FGF12: variants seen among roughly 807,000 people sequenced by gnomAD.
FGF12 encodes the protein fibroblast growth factor 12B.
Under a neutral mutation model 23.6 loss-of-function variants are expected in FGF12, and 14 were observed. The ratio of observed to expected loss-of-function variants is 0.59; its 90% CI spans 0.39 to 0.93. The LOEUF (loss-of-function observed/expected upper bound fraction) is 0.93, where lower values mean the gene tolerates loss of function less well. FGF12 is among the 40% of genes least tolerant of loss of function. FGF12 has a pLI of 0.00. For missense variants in FGF12, 175 were observed against 217.8 expected (o/e 0.80, Z 1.24); for synonymous variants, 62 against 77.3 (o/e 0.80, Z 1.04).
intron 4 of FGF12, among the ~76,000 whole-genome samples, chr3:192,174,155 T>C (rs564559276): frequency 3.5e-4 from 53 of 152,354 alleles, no homozygotes; most frequent in African/African-American, 1.3e-3. Flanking sequence ...AATTACTACA[T>C]TGTCATTTAT....
At chr3:192,548,674 T>G (rs998960343) in intron 2 of FGF12, among the ~76,000 whole-genome samples, 1 of 152,162 alleles carries the variant, frequency 6.6e-6, no homozygotes, top group African/African-American at 2.4e-5. Context: ...GTGATAGCTA[T>G]TCTCTAATAA....
intron 2 of FGF12, among the ~76,000 whole-genome samples, chr3:192,618,963 A>C (rs1461668793): frequency 6.6e-6 from 1 of 151,966 alleles, no homozygotes; most frequent in East Asian, 1.9e-4. Flanking sequence ...ATAACATGTT[A>C]ACCACTTAAA....
intron 2 of FGF12, among the ~76,000 whole-genome samples, chr3:192,648,378 A>C (rs1716090169): frequency 6.6e-6 from 1 of 152,140 alleles, no homozygotes; most frequent in South Asian, 2.1e-4. Flanking sequence ...TCACAAAGAA[A>C]AGTAAGGCAC....
intron 4 of FGF12, among the ~76,000 whole-genome samples, chr3:192,202,188 T>C (rs1369570328): frequency 6.6e-6 from 1 of 151,922 alleles, no homozygotes; most frequent in African/African-American, 2.4e-5. Context: ...AAAGTTCCAA[T>C]GCAGAAGGAA....
intron 4 of FGF12, among the ~76,000 whole-genome samples, chr3:192,239,030 A>G (rs1046629865): frequency 1.8e-4 from 28 of 152,230 alleles, no homozygotes; most frequent in African/African-American, 6.8e-4. Context: ...TTAACATTCC[A>G]ATCCCACAGA....
At chr3:192,536,780 G>T (rs538878225) in intron 2 of FGF12, among the ~76,000 whole-genome samples, 2 of 151,792 alleles carry the variant, frequency 1.3e-5, no homozygotes, top group East Asian at 1.9e-4. Flanking sequence ...ATCACCTCAG[G>T]CATTTATCCT....
At chr3:192,396,212 C>G (rs954435734) in intron 2 of FGF12, among the ~76,000 whole-genome samples, 2 of 152,164 alleles carry the variant, frequency 1.3e-5, no homozygotes, top group African/African-American at 4.8e-5. Context: ...ACTTGGAACA[C>G]AGTAACACAA....
chr3:192,269,365 C>T (rs1031281619), intron 4 of FGF12, among the ~76,000 whole-genome samples: 1 of 152,164 alleles, frequency 6.6e-6, no homozygotes, highest in African/African-American at 2.4e-5. Context: ...CTCAGTGTTA[C>T]CAGATGTAAT....
At chr3:192,258,354 A>G (rs1243079064) in intron 4 of FGF12, among the ~76,000 whole-genome samples, 1 of 152,140 alleles carries the variant, frequency 6.6e-6, no homozygotes, top group African/African-American at 2.4e-5. Flanking sequence ...GCTACTAAGG[A>G]GGCTGAGGCA....
At chr3:192,341,463 A>G (rs574983992) in intron 3 of FGF12, among the ~76,000 whole-genome samples, 1 of 152,244 alleles carries the variant, frequency 6.6e-6, no homozygotes, top group African/African-American at 2.4e-5. Context: ...ATGTTGTATT[A>G]TTTTCCTGAG....
At chr3:192,338,046 A>G (rs1717502766) in intron 3 of FGF12, among the ~76,000 whole-genome samples, 1 of 152,134 alleles carries the variant, frequency 6.6e-6, no homozygotes, top group Admixed American at 6.6e-5. Context: ...TTTAGAGTTA[A>G]CCCAGGGGAA....
chr3:192,377,023 G>A (rs1175478508), intron 2 of FGF12, among the ~76,000 whole-genome samples: 1 of 152,152 alleles, frequency 6.6e-6, no homozygotes, highest in African/African-American at 2.4e-5. Flanking sequence ...TTCTCAGACT[G>A]GAATTCCAAC....
intron 2 of FGF12, among the ~76,000 whole-genome samples, chr3:192,440,437 T>C (rs1437037035): frequency 6.6e-6 from 1 of 152,054 alleles, no homozygotes; most frequent in African/African-American, 2.4e-5. Flanking sequence ...ATTAGTCAGA[T>C]GGGATTTGGG....
intron 2 of FGF12, among the ~76,000 whole-genome samples, chr3:192,401,780 GTTC>G (rs1329851863): frequency 1.3e-5 from 2 of 152,098 alleles, no homozygotes; most frequent in Admixed American, 1.3e-4. Flanking sequence ...CTCTCCCCTT[GTTC>G]TTATTGCTTC....
intron 2 of FGF12, among the ~76,000 whole-genome samples, chr3:192,520,062 C>T (rs1195358994): frequency 6.6e-6 from 1 of 152,194 alleles, no homozygotes; most frequent in East Asian, 1.9e-4. Context: ...ACAATAGCAA[C>T]CAACATCTGA....
At chr3:192,571,466 G>C (rs1169213373) in intron 2 of FGF12, among the ~76,000 whole-genome samples, 1 of 152,258 alleles carries the variant, frequency 6.6e-6, no homozygotes, top group Admixed American at 6.5e-5. Context: ...CGGAGCGCGC[G>C]AGCAGCGCGG....
In FGF12 at chr3:192,266,031, A is replaced by C. The variant is rs77262604; in HGVS notation, c.228+69330T>G. 2.8e-3 allele frequency among the ~76,000 whole-genome samples: 420 copies of C among 152,258 alleles called. 3 individuals carry two copies. The highest frequency in any genetic ancestry group is 9.6e-3 in the African/African-American group (399 of 41,558). ...TTTGCACATAAAAAGCACTTAATAA[A>C]TTAATGTTTCCCTTAAGTTGGAAGC... is the stretch of plus-strand genomic sequence containing the variant. On this transcript the variant is annotated intron_variant, in intron 4 of 5. Transcript: ENST00000445105.
At chr3:192,398,919 TG>T (rs944094373) in intron 2 of FGF12, among the ~76,000 whole-genome samples, 1 of 152,134 alleles carries the variant, frequency 6.6e-6, no homozygotes, top group African/African-American at 2.4e-5. Context: ...TGAGTCAGGA[TG>T]TCATTTCCTC....
At chr3:192,535,770 A>G (rs1725208639) in intron 2 of FGF12, among the ~76,000 whole-genome samples, 2 of 152,212 alleles carry the variant, frequency 1.3e-5, no homozygotes, top group South Asian at 4.1e-4. Flanking sequence ...GCTCAAACCA[A>G]TCTTAGCTAG....
Sources: gnomAD v4.1 joint callset for allele counts (sites outside exome capture counted in the v4.1 genomes callset) on GRCh38, gnomAD v4.1.1 for gene constraint, MANE v1.5 for transcripts, NCBI Gene and HGNC (gene_info 2026-07-23, HGNC 2026-07-21) for gene names.